The following SMYD3 variants were observed in gnomAD, a reference collection of about 807,000 sequenced individuals.
SMYD3 encodes histone-lysine N-methyltransferase SMYD3.
In SMYD3, 36 loss-of-function variants were observed where a neutral mutation model predicts 57.7. The observed-to-expected ratio is 0.62, with a 90% CI of 0.48 to 0.82. The LOEUF (loss-of-function observed/expected upper bound fraction) is 0.82. Among genes scored for constraint, SMYD3 ranks in the 40% least tolerant of loss-of-function variants. The pLI, the probability that SMYD3 is intolerant of heterozygous loss-of-function variation, is 0.00. For missense variants in SMYD3, 515 were observed against 538.8 expected, an observed-to-expected ratio of 0.96 and a Z score of 0.44; for synonymous variants, 211 against 195.0, an observed-to-expected ratio of 1.08 and a Z score of -0.68.
At position 245,907,043 on chromosome 1, in the gene SMYD3, G is replaced by A. The variant is rs561880014; in HGVS notation, c.813+8487C>T. Among the ~76,000 whole-genome samples, 12 of 152,142 alleles carry A rather than the reference G, an allele frequency of 7.9e-5. No individual in the cohort carries two copies. The East Asian group carries it at 2.1e-3, about 27-fold the overall frequency. On this transcript the variant is annotated intron_variant, in intron 8 of 11. Coordinates refer to ENST00000490107, the MANE Select transcript of SMYD3 (RefSeq NM_001167740.2). ...ATTGAACTCATGGACAGAGAGAGTAGAAGGAGGCTTCCCAGAGGCTGCAAA... is the reference window on the plus strand; with the variant it reads ...ATTGAACTCATGGACAGAGAGAGTAAAAGGAGGCTTCCCAGAGGCTGCAAA...
At chr1:245,854,617 C>G (rs990543404) in intron 10 of SMYD3, among the ~76,000 whole-genome samples, 2 of 152,058 alleles carry the variant, frequency 1.3e-5, no homozygotes, top group Non-Finnish European at 2.9e-5. Flanking sequence ...CTCTTTTTCC[C>G]GCACACTAAG....
intron 6 of SMYD3, among the ~76,000 whole-genome samples, chr1:245,929,346 T>C (rs546611248): frequency 1.3e-5 from 2 of 152,376 alleles, no homozygotes; most frequent in South Asian, 2.1e-4. Flanking sequence ...GGTGTGCCTA[T>C]AGTGCTTGTG....
chr1:246,241,703 G>A (rs2063614162), intron 5 of SMYD3, among the ~76,000 whole-genome samples: 1 of 151,148 alleles, frequency 6.6e-6, no homozygotes, highest in African/African-American at 2.4e-5. Flanking sequence ...GTAGAATTCA[G>A]CTGTGAATCC....
intron 5 of SMYD3, among the ~76,000 whole-genome samples, chr1:245,964,001 GAA>G (rs1297911297): frequency 6.6e-6 from 1 of 152,188 alleles, no homozygotes; most frequent in African/African-American, 2.4e-5. Context: ...AATTTTCAAA[GAA>G]AAGAGATTTA....
intron 5 of SMYD3, among the ~76,000 whole-genome samples, chr1:245,936,924 C>T (rs185574248): frequency 3.2e-3 from 482 of 152,044 alleles, no homozygotes; most frequent in Non-Finnish European, 4.6e-3. Context: ...TGCGATATCA[C>T]GTGATAAAGG....
At chr1:245,950,249 T>C (rs894285668) in intron 5 of SMYD3, among the ~76,000 whole-genome samples, 3 of 152,136 alleles carry the variant, frequency 2.0e-5, no homozygotes, top group African/African-American at 4.8e-5. Context: ...TATTTCCTCT[T>C]GGTAATTTTC....
chr1:246,136,543 A>G (rs746984080), intron 5 of SMYD3, among the ~76,000 whole-genome samples: 3 of 152,206 alleles, frequency 2.0e-5, no homozygotes, highest in Non-Finnish European at 4.4e-5. Flanking sequence ...CCTTGAGAAT[A>G]TATCTGGGAG....
Position 245,922,104 on chromosome 1 carries a change from G to A in SMYD3, c.702+5827C>T, listed in dbSNP as rs61242266. ...CTTATCCATTCTTAAGAATGGGGCA[G>A]GGACTTTTATAATGAATTTAACTGT... On this transcript the variant is annotated intron_variant, in intron 7 of 11. Coordinates refer to ENST00000490107, the MANE Select transcript of SMYD3 (RefSeq NM_001167740.2). Among the ~76,000 whole-genome samples, 501 of 152,184 alleles carry A rather than the reference G, an allele frequency of 3.3e-3. 1 individual carries two copies. Among genetic ancestry groups the A allele is most frequent in the African/African-American group, 0.012 (481 of 41,524 alleles).
chr1:246,196,087 AT>A (rs528334005), intron 5 of SMYD3, among the ~76,000 whole-genome samples: 104 of 152,062 alleles, frequency 6.8e-4, no homozygotes, highest in African/African-American at 2.4e-3. Context: ...TCATGTTTAA[AT>A]TTTTTTTCTA....
chr1:246,209,492 TCACTTAA>T (rs1273810948), intron 5 of SMYD3, among the ~76,000 whole-genome samples: 8 of 151,892 alleles, frequency 5.3e-5, no homozygotes, highest in Non-Finnish European at 1.2e-4. Context: ...TAAGCAAAAA[TCACTTAA>T]GCTTTATAAG....
At chr1:245,978,650 T>C (rs1193579673) in intron 5 of SMYD3, among the ~76,000 whole-genome samples, 1 of 152,134 alleles carries the variant, frequency 6.6e-6, no homozygotes, top group Non-Finnish European at 1.5e-5. Context: ...AAACGTTGAG[T>C]CCAGCGTTTC....
chr1:245,821,795 C>A (rs1240234417), intron 10 of SMYD3, among the ~76,000 whole-genome samples: 20 of 151,882 alleles, frequency 1.3e-4, no homozygotes, highest in African/African-American at 4.8e-4. Context: ...CACATGAAAA[C>A]ATGCTCATCA....
At chr1:246,283,027 C>T (rs896408366) in intron 5 of SMYD3, among the ~76,000 whole-genome samples, 3 of 152,190 alleles carry the variant, frequency 2.0e-5, no homozygotes, top group African/African-American at 7.2e-5. Context: ...CCTGCACCTT[C>T]CCTGAGACAG....
intron 1 of SMYD3, among the ~76,000 whole-genome samples, chr1:246,408,861 G>C (rs192820685): frequency 6.6e-6 from 1 of 151,838 alleles, no homozygotes; most frequent in Admixed American, 6.6e-5. Context: ...GTAGAGACAG[G>C]GTTTCACCAT....
chr1:246,121,656 C>T (rs1029099179), intron 5 of SMYD3, among the ~76,000 whole-genome samples: 1 of 152,086 alleles, frequency 6.6e-6, no homozygotes, highest in Admixed American at 6.5e-5. Context: ...AATAGCAGCT[C>T]ATACTGAACC....
At chr1:246,122,574 C>T (rs1476321780) in intron 5 of SMYD3, among the ~76,000 whole-genome samples, 3 of 152,228 alleles carry the variant, frequency 2.0e-5, no homozygotes, top group Admixed American at 6.5e-5. Flanking sequence ...AATCCCATTA[C>T]ATGCTAATGA....
At chr1:246,439,286 C>A (rs963914516) in intron 1 of SMYD3, among the ~76,000 whole-genome samples, 1 of 152,122 alleles carries the variant, frequency 6.6e-6, no homozygotes, top group African/African-American at 2.4e-5. Context: ...CCAAGCCTGG[C>A]TGCATCCACA....
At chr1:245,913,505 CTATAATTTAAAA>C (rs2055171766) in intron 8 of SMYD3, among the ~76,000 whole-genome samples, 1 of 149,510 alleles carries the variant, frequency 6.7e-6, no homozygotes, top group African/African-American at 2.5e-5. Context: ...AGAACTTAAA[CTATAATTTAAAA>C]AAAAAAAAAG....
At chr1:246,299,136 T>C (rs1394677612) in intron 5 of SMYD3, among the ~76,000 whole-genome samples, 3 of 152,150 alleles carry the variant, frequency 2.0e-5, no homozygotes, top group Non-Finnish European at 4.4e-5. Flanking sequence ...TATGCAAAGA[T>C]AGATGTATAC....
Sources: allele counts gnomAD v4.1 joint callset (sites outside exome capture counted in the v4.1 genomes callset), GRCh38; gene constraint gnomAD v4.1.1; transcripts MANE v1.5; gene names NCBI Gene and HGNC (gene_info 2026-07-23, HGNC 2026-07-21).